RGPD2: variants seen among roughly 807,000 people sequenced by gnomAD.
RGPD2 encodes RANBP2-like and GRIP domain-containing protein 2.
In RGPD2, 2 loss-of-function variants were observed where a neutral mutation model predicts 36.0. That is an observed-to-expected ratio of 0.06 (90% CI 0.02 to 0.17). The LOEUF is 0.17. Ranked by LOEUF, RGPD2 falls within the 10% of genes least tolerant of loss-of-function variation. The pLI, the probability that RGPD2 is intolerant of heterozygous loss-of-function variation, is 1.00. For synonymous variants in RGPD2, 19 were observed against 163.8 expected, an observed-to-expected ratio of 0.12 and a Z score of 6.75; for missense variants, 40 against 464.3, an observed-to-expected ratio of 0.09 and a Z score of 8.40.
the RGPD2 span, among the ~76,000 whole-genome samples, chr2:87,839,631 T>C: frequency 6.6e-6 from 1 of 152,034 alleles, no homozygotes; most frequent in Non-Finnish European, 1.5e-5. Context: ...GCAACATGGA[T>C]GGAGCTGGAG....
At chr2:87,983,306 C>T in the RGPD2 span, among the ~76,000 whole-genome samples, 1 of 151,942 alleles carries the variant, frequency 6.6e-6, no homozygotes, top group Non-Finnish European at 1.5e-5. Flanking sequence ...GATGACAGAG[C>T]AAAACCCCGT....
chr2:87,884,891 T>G, the RGPD2 span, among the ~76,000 whole-genome samples: 17 of 152,170 alleles, frequency 1.1e-4, no homozygotes, highest in African/African-American at 2.2e-4. Context: ...ATTCTGAAAC[T>G]CTTCCAAAAA....
At chr2:87,912,031 CT>C in the RGPD2 span, among the ~76,000 whole-genome samples, 4 of 152,110 alleles carry the variant, frequency 2.6e-5, no homozygotes, top group South Asian at 4.1e-4. Flanking sequence ...TTTAAATTCC[CT>C]ATGTCTTCCA....
At chr2:87,914,759 G>T in the RGPD2 span, among the ~76,000 whole-genome samples, 1 of 145,074 alleles carries the variant, frequency 6.9e-6, no homozygotes, top group Admixed American at 6.9e-5. Flanking sequence ...ATGTTAATTA[G>T]GAATTAAGTA....
At chr2:87,883,137 T>C in the RGPD2 span, among the ~76,000 whole-genome samples, 1 of 152,086 alleles carries the variant, frequency 6.6e-6, no homozygotes, top group Non-Finnish European at 1.5e-5. Context: ...AAGAGGCACA[T>C]ATTATAAAAA....
At chr2:87,915,439 GTATA>G in the RGPD2 span, among the ~76,000 whole-genome samples, 1 of 135,756 alleles carries the variant, frequency 7.4e-6, no homozygotes, top group Non-Finnish European at 1.6e-5. Context: ...ATATGTATGT[GTATA>G]TATATACACA....
At chr2:87,951,651 G>A in the RGPD2 span, among the ~76,000 whole-genome samples, 6 of 150,828 alleles carry the variant, frequency 4.0e-5, no homozygotes, top group African/African-American at 1.5e-4. Context: ...GAGTGCAATG[G>A]TGCGATCTTG....
upstream of RGPD2, among the ~76,000 whole-genome samples, chr2:87,829,590 C>T (rs561790916): frequency 2.8e-3 from 418 of 150,892 alleles, 1 homozygote; most frequent in African/African-American, 9.5e-3. Context: ...GGAGCAAAGG[C>T]AAGTCTTAGA....
At chr2:87,929,062 C>A in the RGPD2 span, among the ~76,000 whole-genome samples, 4 of 151,954 alleles carry the variant, frequency 2.6e-5, no homozygotes, top group Non-Finnish European at 5.9e-5. Flanking sequence ...AATTAGATTC[C>A]ATTTGTCAAT....
the RGPD2 span, among the ~76,000 whole-genome samples, chr2:87,843,754 C>T: frequency 6.6e-6 from 1 of 152,138 alleles, no homozygotes; most frequent in African/African-American, 2.4e-5. Flanking sequence ...TATAAAGACA[C>T]ATGCAGACGT....
chr2:87,973,672 A>T, the RGPD2 span, among the ~76,000 whole-genome samples: 2 of 123,132 alleles, frequency 1.6e-5, no homozygotes, highest in Non-Finnish European at 3.5e-5. Context: ...CTTTGATCTC[A>T]TTAAAGAGAC....
the RGPD2 span, among the ~76,000 whole-genome samples, chr2:87,869,882 A>G: frequency 1.3e-5 from 2 of 152,154 alleles, no homozygotes; most frequent in Non-Finnish European, 2.9e-5. Context: ...TCTTCTAAAA[A>G]CTTTCACTTT....
chr2:87,809,031 C>G (rs1481540345), intron 6 of RGPD2, among the ~76,000 whole-genome samples: 1 of 93,360 alleles, frequency 1.1e-5, no homozygotes, highest in African/African-American at 3.5e-5. Flanking sequence ...ACCAGCCGGG[C>G]GCGGTGGCTC....
the RGPD2 span, among the ~76,000 whole-genome samples, chr2:87,919,452 T>C: frequency 3.1e-4 from 47 of 152,258 alleles, no homozygotes; most frequent in Admixed American, 5.9e-4. Context: ...TTGGCTGCTC[T>C]TGCGAGTAAA....
At chr2:87,813,128 G>A (rs1686166082) in intron 4 of RGPD2, among the ~76,000 whole-genome samples, 1 of 152,232 alleles carries the variant, frequency 6.6e-6, no homozygotes, top group African/African-American at 2.4e-5. Flanking sequence ...TTAAGCACCT[G>A]TAAACACATA....
chr2:87,883,840 A>G, the RGPD2 span, among the ~76,000 whole-genome samples: 1 of 151,976 alleles, frequency 6.6e-6, no homozygotes, highest in African/African-American at 2.4e-5. Context: ...ATGTGACACA[A>G]TAGTAATAGG....
At chr2:87,870,165 T>C in the RGPD2 span, among the ~76,000 whole-genome samples, 1 of 152,298 alleles carries the variant, frequency 6.6e-6, no homozygotes. Flanking sequence ...TGTTATGTAT[T>C]TTATGATGTG....
the RGPD2 span, among the ~76,000 whole-genome samples, chr2:87,854,135 T>C: frequency 7.6e-6 from 1 of 131,212 alleles, no homozygotes; most frequent in Non-Finnish European, 1.6e-5. Context: ...TGAGACAGAG[T>C]CTAGCACTGT....
intron 22 of RGPD2, among the ~76,000 whole-genome samples, chr2:87,769,618 T>A (rs568213102): frequency 6.6e-6 from 1 of 151,890 alleles, no homozygotes; most frequent in African/African-American, 2.4e-5. Context: ...TTAAACATGC[T>A]GAGCTTTTAA....
Sources: gnomAD v4.1 joint callset for allele counts (sites outside exome capture counted in the v4.1 genomes callset) on GRCh38, gnomAD v4.1.1 for gene constraint, MANE v1.5 for transcripts, NCBI Gene and HGNC (gene_info 2026-07-23, HGNC 2026-07-21) for gene names.